Variants in TRIM5 observed in about 807,000 individuals in gnomAD.
The protein encoded by TRIM5 is tripartite motif-containing protein 5.
TRIM5 carries 31 observed loss-of-function variants against 35.6 expected under a neutral mutation model. That is an observed-to-expected ratio of 0.87 (90% CI 0.65 to 1.18). TRIM5 has a LOEUF of 1.18. TRIM5 is among the 50% of genes most tolerant of loss of function. TRIM5 has a pLI of 0.00. For synonymous variants in TRIM5, 243 were observed against 215.6 expected, an observed-to-expected ratio of 1.13 and a Z score of -1.11; for missense variants, 609 against 591.6, an observed-to-expected ratio of 1.03 and a Z score of -0.31.
At chr11:5,640,507 T>A in the TRIM5 span, among the ~76,000 whole-genome samples, 1 of 152,148 alleles carries the variant, frequency 6.6e-6, no homozygotes, top group South Asian at 2.1e-4. Flanking sequence ...TCAGGTATAA[T>A]CTTTTTGCTG....
the TRIM5 span, among the ~76,000 whole-genome samples, chr11:5,619,076 C>G: frequency 6.6e-6 from 1 of 152,122 alleles, no homozygotes; most frequent in Non-Finnish European, 1.5e-5. Context: ...CATATGAACT[C>G]CCTGGGAAAA....
Position 5,664,719 on chromosome 11 carries a change from G to C in TRIM5, c.*90C>G. 2.7e-6 allele frequency: 4 copies of C among 1,486,336 alleles called. No homozygotes were observed. The highest frequency in any genetic ancestry group is 1.5e-5 in the South Asian group (1 of 66,694). The allele number at this position is 1,486,336 out of a possible 1,614,324, so 92.1% of individuals were successfully genotyped here. On this transcript the variant is annotated 3_prime_UTR_variant, in exon 8 of 8. Coordinates refer to ENST00000380034, the MANE Select transcript of TRIM5 (RefSeq NM_033034.3). ...GAAAGAAGGGAGACAGCAAGGAAAAGATGGTTAAAATGATGCAAATGAGTT... is the reference window on the plus strand; with the variant it reads ...GAAAGAAGGGAGACAGCAAGGAAAACATGGTTAAAATGATGCAAATGAGTT...
the TRIM5 span, among the ~76,000 whole-genome samples, chr11:5,614,939 A>G: frequency 1.6e-4 from 25 of 152,132 alleles, no homozygotes; most frequent in Non-Finnish European, 2.9e-4. Context: ...AGAGCTATAC[A>G]TTTCCTTCTG....
chr11:5,677,458 G>A (rs891693220), intron 4 of TRIM5, among the ~76,000 whole-genome samples: 13 of 152,200 alleles, frequency 8.5e-5, no homozygotes, highest in African/African-American at 3.1e-4. Flanking sequence ...GAAACAACAG[G>A]TGCTGGAGAG....
At chr11:5,593,049 G>C in the TRIM5 span, among the ~76,000 whole-genome samples, 7 of 152,238 alleles carry the variant, frequency 4.6e-5, no homozygotes, top group East Asian at 1.2e-3. Flanking sequence ...CATGTTTGAT[G>C]ATCAGAAGCA....
chr11:5,599,144 T>G, the TRIM5 span, among the ~76,000 whole-genome samples: 1 of 152,204 alleles, frequency 6.6e-6, no homozygotes, highest in Admixed American at 6.5e-5. Context: ...GTTTAATTGT[T>G]TGGTAATATG....
the TRIM5 span, among the ~76,000 whole-genome samples, chr11:5,622,982 G>A: frequency 6.6e-6 from 1 of 152,188 alleles, no homozygotes; most frequent in East Asian, 1.9e-4. Flanking sequence ...GTCCGGAAGG[G>A]GGTTTCCAGG....
chr11:5,611,196 G>T, the TRIM5 span: 8 of 1,613,908 alleles, frequency 5.0e-6, no homozygotes, highest in Non-Finnish European at 6.8e-6. Context: ...AGATTATGAG[G>T]CTGGTACTGT....
chr11:5,597,739 T>G, the TRIM5 span, among the ~76,000 whole-genome samples: 1 of 152,170 alleles, frequency 6.6e-6, no homozygotes, highest in African/African-American at 2.4e-5. Context: ...TGAAAGCCAT[T>G]TTGATATCGA....
the TRIM5 span, chr11:5,645,891 A>C: frequency 4.7e-5 from 8 of 169,006 alleles, no homozygotes; most frequent in Non-Finnish European, 5.6e-5. Flanking sequence ...ATATATATAT[A>C]TATATCTATA....
chr11:5,601,783 C>T, the TRIM5 span, among the ~76,000 whole-genome samples: 1 of 152,000 alleles, frequency 6.6e-6, no homozygotes, highest in African/African-American at 2.4e-5. Flanking sequence ...ATTACCACCC[C>T]TTATTGTGGC....
chr11:5,654,198 C>T, the TRIM5 span, among the ~76,000 whole-genome samples: 5 of 151,922 alleles, frequency 3.3e-5, no homozygotes, highest in Admixed American at 6.6e-5. Flanking sequence ...GAATTGTGTT[C>T]CTTTGGAGGT....
chr11:5,623,534 AT>A, the TRIM5 span, among the ~76,000 whole-genome samples: 140 of 126,612 alleles, frequency 1.1e-3, no homozygotes, highest in East Asian at 5.1e-3. Context: ...TGCCCGGCTA[AT>A]TTTTTTTTTT....
the TRIM5 span, among the ~76,000 whole-genome samples, chr11:5,601,368 C>T: frequency 6.6e-6 from 1 of 152,150 alleles, no homozygotes; most frequent in African/African-American, 2.4e-5. Flanking sequence ...ATGGAGAATA[C>T]TCTTATTTAT....
the TRIM5 span, among the ~76,000 whole-genome samples, chr11:5,625,229 T>G: frequency 6.6e-6 from 1 of 152,038 alleles, no homozygotes; most frequent in Non-Finnish European, 1.5e-5. Flanking sequence ...CAGCCTAGAG[T>G]CTGGGGAGGG....
At chr11:5,595,453 T>G in the TRIM5 span, 2 of 152,258 alleles carry the variant, frequency 1.3e-5, no homozygotes, top group Non-Finnish European at 2.9e-5. Flanking sequence ...CTGATGAATT[T>G]TAATGATCGT....
At chr11:5,675,741 T>C (rs754401295) in intron 4 of TRIM5, among the ~76,000 whole-genome samples, 8 of 150,084 alleles carry the variant, frequency 5.3e-5, no homozygotes, top group African/African-American at 2.0e-4. Context: ...AGAGTACATG[T>C]GCACATTGTG....
chr11:5,603,977 G>A, the TRIM5 span, among the ~76,000 whole-genome samples: 5 of 151,842 alleles, frequency 3.3e-5, no homozygotes, highest in African/African-American at 1.2e-4. Context: ...TGTTGGCAGG[G>A]TAGGTAAAGG....
At chr11:5,617,286 T>C in the TRIM5 span, among the ~76,000 whole-genome samples, 1 of 144,532 alleles carries the variant, frequency 6.9e-6, no homozygotes, top group Admixed American at 7.0e-5. Context: ...TTATTGCCTA[T>C]CTCAGCTAAG....
Sources: allele counts gnomAD v4.1 joint callset (sites outside exome capture counted in the v4.1 genomes callset), GRCh38; gene constraint gnomAD v4.1.1; transcripts MANE v1.5; gene names NCBI Gene and HGNC (gene_info 2026-07-23, HGNC 2026-07-21).